The following NME7 variants were observed in gnomAD, a reference collection of about 807,000 sequenced individuals.
NME7 encodes nucleoside diphosphate kinase 7.
In NME7, 41 loss-of-function variants were observed where a neutral mutation model predicts 49.1. That is an observed-to-expected ratio of 0.83 (90% CI 0.65 to 1.08). NME7 has a LOEUF of 1.08. NME7 is among the 50% of genes least tolerant of loss of function. The probability of loss-of-function intolerance (pLI) is 0.00; values close to 1 mark genes in which losing one functional copy is unlikely to be tolerated. For synonymous variants in NME7, 139 were observed against 150.6 expected (o/e 0.92, Z 0.56); for missense variants, 423 against 463.4 (o/e 0.91, Z 0.80).
At chr1:169,282,339 T>G (rs908648952) in intron 7 of NME7, among the ~76,000 whole-genome samples, 7 of 152,214 alleles carry the variant, frequency 4.6e-5, no homozygotes, top group Admixed American at 1.3e-4. Context: ...TCTTCTCTCT[T>G]TTCTTCTTTA....
chr1:169,286,392 T>C (rs533569288), intron 7 of NME7: 29 of 152,136 alleles, frequency 1.9e-4, no homozygotes, highest in Admixed American at 8.5e-4. Context: ...TTATTTAGTA[T>C]ATTCTAGTTT....
At position 169,264,295 on chromosome 1, in the gene NME7, C is replaced by T. The variant is rs1329532701; in HGVS notation, c.754+23008G>A. Among the ~76,000 whole-genome samples, 2 of 134,138 alleles carry T rather than the reference C, an allele frequency of 1.5e-5. 1 individual carries two copies. Among genetic ancestry groups the T allele is most frequent in the Non-Finnish European group, 3.5e-5 (2 of 57,086 alleles). 88.0% of individuals were successfully genotyped at this position (134,138 alleles called of 152,430 possible). A position where few individuals can be genotyped will look rare whatever the true frequency, so the allele number is the denominator to read the frequency against. On this transcript the variant is annotated intron_variant, in intron 7 of 11. Coordinates refer to ENST00000367811, the MANE Select transcript of NME7 (RefSeq NM_013330.5). ...GGCTAAATGCCCCAATTAAAAGGCA[C>T]AGAGTAGCAAGTTGGATAAAGATGC... is the stretch of plus-strand genomic sequence containing the variant.
chr1:169,244,449 C>CCTAGTAGA (rs1558004549), intron 7 of NME7, among the ~76,000 whole-genome samples: 21 of 151,392 alleles, frequency 1.4e-4, no homozygotes, highest in Non-Finnish European at 2.9e-4. Flanking sequence ...CTGGCTAACA[C>CCTAGTAGA]GGTGAAACCT....
chr1:169,245,755 A>T (rs1648287823), intron 7 of NME7, among the ~76,000 whole-genome samples: 1 of 152,238 alleles, frequency 6.6e-6, no homozygotes, highest in African/African-American at 2.4e-5. Context: ...TGATTAGTGT[A>T]AAGACAAATC....
chr1:169,218,351 G>A (rs998337277), intron 10 of NME7, among the ~76,000 whole-genome samples: 5 of 152,018 alleles, frequency 3.3e-5, no homozygotes, highest in African/African-American at 7.2e-5. Context: ...CTAGCACACC[G>A]GATACTGAGG....
At chr1:169,241,125 G>A (rs979855047) in intron 7 of NME7, among the ~76,000 whole-genome samples, 4 of 152,066 alleles carry the variant, frequency 2.6e-5, no homozygotes, top group Admixed American at 6.6e-5. Flanking sequence ...ATTATATGGA[G>A]CTTTATGTGT....
chr1:169,154,713 G>A (rs143334580), intron 11 of NME7, among the ~76,000 whole-genome samples: 2,569 of 151,526 alleles, frequency 0.017, 68 homozygotes, highest in African/African-American at 0.056. Context: ...CAGAAGAGTC[G>A]CTTGAACCCG....
chr1:169,212,599 C>CTT (rs71121740), intron 10 of NME7, among the ~76,000 whole-genome samples: 16,051 of 116,368 alleles, frequency 0.14, 2,256 homozygotes, highest in East Asian at 0.78. Flanking sequence ...AACAAATGTC[C>CTT]TTTTTTTTTT....
intron 1 of NME7, among the ~76,000 whole-genome samples, chr1:169,366,081 AG>A (rs1653841185): frequency 1.3e-5 from 2 of 152,238 alleles, no homozygotes; most frequent in South Asian, 4.1e-4. Context: ...GCAAAATCAA[AG>A]GTGTTAGTAG....
intron 10 of NME7, among the ~76,000 whole-genome samples, chr1:169,209,404 T>C (rs968257386): frequency 3.9e-5 from 6 of 152,140 alleles, no homozygotes; most frequent in African/African-American, 1.4e-4. Context: ...TTACTGTTAC[T>C]GTATATATTC....
At chr1:169,296,483 G>A (rs1182925299) in intron 6 of NME7, among the ~76,000 whole-genome samples, 1 of 151,840 alleles carries the variant, frequency 6.6e-6, no homozygotes, top group Non-Finnish European at 1.5e-5. Context: ...CTTTTATCAA[G>A]ATGTAGCTTC....
At chr1:169,337,215 T>G (rs1652515625) in intron 1 of NME7, among the ~76,000 whole-genome samples, 1 of 152,212 alleles carries the variant, frequency 6.6e-6, no homozygotes, top group Non-Finnish European at 1.5e-5. Flanking sequence ...TCCCGAGCCG[T>G]GCCCCGTGGG....
At chr1:169,344,217 T>A (rs1652877825) in intron 1 of NME7, among the ~76,000 whole-genome samples, 1 of 152,230 alleles carries the variant, frequency 6.6e-6, no homozygotes. Context: ...GAAATATAAT[T>A]AATTTTTGTG....
Position 169,156,154 on chromosome 1 carries a change from C to CA in NME7, c.1098+13292dup, listed in dbSNP as rs71121729. Reference sequence around the variant, plus strand: ...GCAACACAGGGGGACCCTGTCTCTACAAAAAAAAATTAGTGGGGCATGACG... The same window carrying CA: ...GCAACACAGGGGGACCCTGTCTCTACAAAAAAAAAATTAGTGGGGCATGACG... On this transcript the variant is annotated intron_variant, in intron 11 of 11. Coordinates refer to ENST00000367811, the MANE Select transcript of NME7 (RefSeq NM_013330.5). Among the ~76,000 whole-genome samples the CA allele has an allele frequency of 6.3e-3, 851 of 135,954 alleles. 11 individuals carry two copies. The highest frequency in any genetic ancestry group is 0.022 in the African/African-American group (809 of 36,848). The allele number at this position is 135,954 out of a possible 152,430, so 89.2% of individuals were successfully genotyped here. A position where few individuals can be genotyped will look rare whatever the true frequency, so the allele number is the denominator to read the frequency against.
Position 169,355,140 on chromosome 1 carries a change from ATATAATATACTATATAT to A in NME7, c.3+12551_3+12567del, listed in dbSNP as rs1161319650. ...ATATACTATATATTATAGATATAAT[ATATAATATACTATATAT>A]TATAGATATAATATATAATATACTA... On this transcript the variant is annotated intron_variant, in intron 1 of 11. Transcript: ENST00000367811. 6.5e-4 allele frequency among the ~76,000 whole-genome samples: 27 copies of A among 41,622 alleles called. 6 individuals are homozygous for A. Among genetic ancestry groups the A allele is most frequent in the African/African-American group, 2.5e-3 (26 of 10,264 alleles). 27.3% of individuals were successfully genotyped at this position (41,622 alleles called of 152,430 possible). A position where few individuals can be genotyped will look rare whatever the true frequency, so the allele number is the denominator to read the frequency against.
intron 10 of NME7, among the ~76,000 whole-genome samples, chr1:169,203,027 G>A (rs1660590130): frequency 6.6e-6 from 1 of 152,120 alleles, no homozygotes; most frequent in Admixed American, 6.6e-5. Flanking sequence ...ACAGCCTGCA[G>A]GCACAGGTAA....
intron 7 of NME7, chr1:169,284,239 G>C (rs1571355058): frequency 6.6e-6 from 1 of 151,632 alleles, no homozygotes; most frequent in Non-Finnish European, 1.5e-5. Flanking sequence ...TGATTGATTT[G>C]ACTATTGATA....
At chr1:169,218,880 C>T (rs1386435532) in intron 10 of NME7, among the ~76,000 whole-genome samples, 1 of 152,038 alleles carries the variant, frequency 6.6e-6, no homozygotes, top group Non-Finnish European at 1.5e-5. Flanking sequence ...TGAGATACCA[C>T]TTTTGAATGC....
Position 169,173,232 on chromosome 1 carries a change from T to C in NME7, c.991-3678A>G, listed in dbSNP as rs185007249. Among the ~76,000 whole-genome samples, 3 of 152,282 alleles carry C rather than the reference T, an allele frequency of 2.0e-5. No individual in the cohort carries two copies. The East Asian group carries it at 5.8e-4, about 29-fold the overall frequency. On this transcript the variant is annotated intron_variant, in intron 10 of 11. Coordinates refer to ENST00000367811, the MANE Select transcript of NME7 (RefSeq NM_013330.5). The stretch of plus-strand genomic sequence containing the variant: ...GTCTTAAGGAGATTAAGACAATTCT[T>C]AAAGAGACAGAAAGGTATGTTTTGA...
Sources: allele counts gnomAD v4.1 joint callset (sites outside exome capture counted in the v4.1 genomes callset), GRCh38; gene constraint gnomAD v4.1.1; transcripts MANE v1.5; gene names NCBI Gene and HGNC (gene_info 2026-07-23, HGNC 2026-07-21).